Variants in IFNGR2 observed in about 807,000 individuals in gnomAD.
IFNGR2 encodes IFN-gamma receptor 2.
A neutral mutation model predicts 41.1 loss-of-function variants in IFNGR2; 15 were observed. That is an observed-to-expected ratio of 0.37 (90% CI 0.24 to 0.56). The LOEUF (loss-of-function observed/expected upper bound fraction) is 0.56, where lower values mean the gene tolerates loss of function less well. Ranked by LOEUF, IFNGR2 falls within the 20% of genes least tolerant of loss-of-function variation. The pLI is 0.81. For synonymous variants in IFNGR2, 161 were observed against 171.6 expected, an observed-to-expected ratio of 0.94 and a Z score of 0.48; for missense variants, 362 against 415.7, an observed-to-expected ratio of 0.87 and a Z score of 1.12.
At chr21:33,409,641 CAA>C (rs1023168803) in intron 1 of IFNGR2, among the ~76,000 whole-genome samples, 17 of 152,098 alleles carry the variant, frequency 1.1e-4, no homozygotes, top group African/African-American at 3.1e-4. Context: ...CAGGAATCGG[CAA>C]AGTTTTTCTG....
chr21:33,404,120 G>T (rs2083660966), intron 1 of IFNGR2, among the ~76,000 whole-genome samples: 1 of 152,264 alleles, frequency 6.6e-6, no homozygotes, highest in South Asian at 2.1e-4. Context: ...GGCGGGGGCC[G>T]CCTTTGCTGG....
At chr21:33,409,425 C>T (rs181981755) in intron 1 of IFNGR2, among the ~76,000 whole-genome samples, 3 of 152,052 alleles carry the variant, frequency 2.0e-5, no homozygotes, top group East Asian at 1.9e-4. Flanking sequence ...GCCGAGATCA[C>T]GCCACTGCGA....
chr21:33,436,239 C>T (rs2083949393), intron 6 of IFNGR2, among the ~76,000 whole-genome samples: 1 of 150,816 alleles, frequency 6.6e-6, no homozygotes, highest in Non-Finnish European at 1.5e-5. Context: ...CCTGTAATCC[C>T]AGCTACTTGG....
chr21:33,435,000 C>A (rs1025656613), intron 6 of IFNGR2, among the ~76,000 whole-genome samples: 1 of 152,180 alleles, frequency 6.6e-6, no homozygotes, highest in African/African-American at 2.4e-5. Context: ...AACAGTGAAT[C>A]ATGTTTCACT....
At chr21:33,420,227 G>A (rs1226020185) in intron 2 of IFNGR2, among the ~76,000 whole-genome samples, 1 of 152,164 alleles carries the variant, frequency 6.6e-6, no homozygotes, top group Non-Finnish European at 1.5e-5. Flanking sequence ...GCCGGTGGTC[G>A]TGGGGATACA....
intron 3 of IFNGR2, among the ~76,000 whole-genome samples, chr21:33,424,826 C>T (rs2083822236): frequency 6.6e-6 from 1 of 152,208 alleles, no homozygotes; most frequent in African/African-American, 2.4e-5. Flanking sequence ...ACTGCAGCCT[C>T]CGCCTCCAGG....
intron 4 of IFNGR2, among the ~76,000 whole-genome samples, chr21:33,431,407 T>TA (rs929878054): frequency 1.6e-4 from 25 of 152,076 alleles, no homozygotes; most frequent in African/African-American, 5.8e-4. Context: ...CTGTTTCTAC[T>TA]AAAAATACAA....
At chr21:33,433,412 A>G (rs1161494311) in intron 6 of IFNGR2, among the ~76,000 whole-genome samples, 1 of 152,258 alleles carries the variant, frequency 6.6e-6, no homozygotes, top group Non-Finnish European at 1.5e-5. Flanking sequence ...GTCTTTCCAT[A>G]CAATGGAATA....
intron 1 of IFNGR2, chr21:33,410,779 C>A: frequency 1.6e-6 from 2 of 1,224,762 alleles, no homozygotes; most frequent in Non-Finnish European, 2.4e-6. Flanking sequence ...ATTAGAATAA[C>A]TTTTTACATG....
At chr21:33,415,643 T>C (rs1351799395) in intron 2 of IFNGR2, among the ~76,000 whole-genome samples, 6 of 152,250 alleles carry the variant, frequency 3.9e-5, no homozygotes. Flanking sequence ...AGTTATTGGC[T>C]AAGTCATTTT....
intron 5 of IFNGR2, 54 bp downstream of exon 5, chr21:33,432,390 A>C: frequency 6.5e-7 from 1 of 1,527,376 alleles, no homozygotes; most frequent in African/African-American, 1.4e-5. Context: ...TACTCCTCCA[A>C]TAGTGAAATC....
chr21:33,428,480 A>G (rs771440763), intron 4 of IFNGR2, among the ~76,000 whole-genome samples: 4 of 152,048 alleles, frequency 2.6e-5, no homozygotes, highest in Admixed American at 2.6e-4. Context: ...TGCCCACCTC[A>G]GTCTCCAAAA....
Position 33,421,705 on chromosome 21 carries a change from G to C in IFNGR2, c.412+20G>C. 6.3e-7 allele frequency: 1 copy of C among 1,577,634 alleles called. No individual in the cohort carries two copies. The highest frequency in any genetic ancestry group is 2.2e-5 in the East Asian group (1 of 44,708). ...GGAATGGTAAGAGAACTTGAGTATA[G>C]AACTTCCTTTATACTTTCCAGGTTT... On this transcript the variant is annotated intron_variant, in intron 3 of 6. Transcript: ENST00000290219.
rs750400339 is a variant in IFNGR2, at chr21:33,432,762, C to T, written c.770C>T (p.Ser257Leu). The change falls in exon 6 of 7, where the codon TCG becomes TTG. Residue 257 changes from serine to leucine, a missense_variant. Coordinates refer to ENST00000290219, the MANE Select transcript of IFNGR2 (RefSeq NM_005534.4). ...QVILISVGTF[S>L]LLSVLAGACF... ...ATCCTGATCTCCGTGGGAACATTTT[C>T]GTTGCTGTCGGTGCTGGCAGGAGCC... The T allele has an allele frequency of 5.0e-6, 8 of 1,613,988 alleles. No individual in the cohort carries two copies. Among genetic ancestry groups the T allele is most frequent in the African/African-American group, 1.3e-5 (1 of 74,918 alleles).
intron 1 of IFNGR2, among the ~76,000 whole-genome samples, chr21:33,413,692 G>T (rs1002336418): frequency 6.6e-6 from 1 of 151,978 alleles, no homozygotes; most frequent in Non-Finnish European, 1.5e-5. Flanking sequence ...GTCCCCGAAG[G>T]CTCCCTGTGA....
chr21:33,403,811 G>C (rs980882860), intron 1 of IFNGR2, among the ~76,000 whole-genome samples, 195 bp downstream of exon 1: 5 of 152,180 alleles, frequency 3.3e-5, no homozygotes, highest in African/African-American at 1.2e-4. Context: ...CCCAGGTGGG[G>C]GTCTTGCGGG....
chr21:33,424,802 A>T (rs924420993), intron 3 of IFNGR2, among the ~76,000 whole-genome samples: 4 of 151,850 alleles, frequency 2.6e-5, no homozygotes, highest in Non-Finnish European at 5.9e-5. Context: ...AGTGCAGTGG[A>T]GCGATCTCAG....
chr21:33,422,987 T>A (rs555328340), intron 3 of IFNGR2, among the ~76,000 whole-genome samples: 1 of 150,732 alleles, frequency 6.6e-6, no homozygotes, highest in Admixed American at 6.6e-5. Flanking sequence ...TGACAGTTGA[T>A]TCAGTTGGGT....
intron 6 of IFNGR2, among the ~76,000 whole-genome samples, chr21:33,436,112 C>T (rs1226649165): frequency 6.6e-6 from 1 of 151,554 alleles, no homozygotes; most frequent in African/African-American, 2.4e-5. Flanking sequence ...AATCCCAGCA[C>T]TTTGGGAGGC....
Sources: gnomAD v4.1 joint callset for allele counts (sites outside exome capture counted in the v4.1 genomes callset) on GRCh38, gnomAD v4.1.1 for gene constraint, MANE v1.5 for transcripts, NCBI Gene and HGNC (gene_info 2026-07-23, HGNC 2026-07-21) for gene names.